Variants in AGBL1 observed in about 807,000 individuals in gnomAD.
AGBL1 encodes cytosolic carboxypeptidase 4.
AGBL1 carries 130 observed loss-of-function variants against 118.9 expected under a neutral mutation model. The observed-to-expected ratio is 1.09, with a 90% CI of 0.95 to 1.26. The LOEUF is 1.26. AGBL1 is among the 50% of genes most tolerant of loss of function. The probability of loss-of-function intolerance (pLI) is 0.00; values close to 1 mark genes in which losing one functional copy is unlikely to be tolerated. For synonymous variants in AGBL1, 555 were observed against 478.9 expected, an observed-to-expected ratio of 1.16 and a Z score of -2.08; for missense variants, 1,584 against 1,298.1, an observed-to-expected ratio of 1.22 and a Z score of -3.38.
intron 22 of AGBL1, among the ~76,000 whole-genome samples, chr15:86,735,067 T>G (rs1173822362): frequency 6.8e-6 from 1 of 146,428 alleles, no homozygotes; most frequent in East Asian, 2.0e-4. Flanking sequence ...TTTCTTGGCA[T>G]ATAGTTATAA....
At chr15:86,401,830 C>T (rs1006497040) in intron 18 of AGBL1, among the ~76,000 whole-genome samples, 4 of 152,080 alleles carry the variant, frequency 2.6e-5, no homozygotes, top group African/African-American at 9.7e-5. Context: ...ATGCTAGCAC[C>T]GTGCTGTTTT....
At chr15:86,924,323 T>C (rs1305486560) in intron 23 of AGBL1, among the ~76,000 whole-genome samples, 1 of 152,196 alleles carries the variant, frequency 6.6e-6, no homozygotes, top group Non-Finnish European at 1.5e-5. Context: ...TTTAATCCCA[T>C]TTAGGGTAGA....
chr15:86,173,030 T>G (rs1160023948), intron 5 of AGBL1, among the ~76,000 whole-genome samples: 1 of 152,192 alleles, frequency 6.6e-6, no homozygotes, highest in African/African-American at 2.4e-5. Context: ...TTTGTCTTTT[T>G]GATAACAGCC....
intron 5 of AGBL1, among the ~76,000 whole-genome samples, chr15:86,188,813 C>G (rs914474771): frequency 6.6e-6 from 1 of 152,068 alleles, no homozygotes; most frequent in Non-Finnish European, 1.5e-5. Context: ...CTGCAGTAAA[C>G]TATTTTCAAA....
rs570546997 is a variant in AGBL1, at chr15:86,150,520, C to G, written c.263-3910C>G. On this transcript the variant is annotated intron_variant, in intron 3 of 22. Coordinates refer to ENST00000614907, the MANE Select transcript of AGBL1 (RefSeq NM_001386094.1). Reference sequence around the variant, plus strand: ...CCTCTACACAAATAAACTAGAAAATCTAGAAGAAATGGATAAATTCCTGGG... The same window carrying G: ...CCTCTACACAAATAAACTAGAAAATGTAGAAGAAATGGATAAATTCCTGGG... 6.6e-5 allele frequency among the ~76,000 whole-genome samples: 10 copies of G among 152,234 alleles called. No individual in the cohort carries two copies. The South Asian group carries it at 2.1e-3, about 32-fold the overall frequency.
At chr15:86,109,990 C>A (rs953033072) in intron 1 of AGBL1, 1 of 152,072 alleles carries the variant, frequency 6.6e-6, no homozygotes, top group African/African-American at 2.4e-5. Context: ...CAAAGCCACC[C>A]GAACAGGAAT....
intron 1 of AGBL1, among the ~76,000 whole-genome samples, chr15:86,140,845 C>T (rs1385812967): frequency 1.3e-5 from 2 of 152,146 alleles, no homozygotes; most frequent in Non-Finnish European, 2.9e-5. Context: ...GTTGATGAAA[C>T]ATCTATTTCA....
At chr15:86,552,340 T>G (rs2346730) in intron 20 of AGBL1, among the ~76,000 whole-genome samples, 87,640 of 148,746 alleles carry the variant, frequency 0.59, 26,011 homozygotes, top group East Asian at 0.89. Context: ...AAGAGAGAGA[T>G]AGAACCTATG....
intron 1 of AGBL1, among the ~76,000 whole-genome samples, chr15:86,122,087 A>G (rs1898125658): frequency 6.6e-6 from 1 of 152,186 alleles, no homozygotes; most frequent in Non-Finnish European, 1.5e-5. Flanking sequence ...TCTCCCTCCA[A>G]GGAACTGTCT....
chr15:86,452,098 A>G (rs557220049), intron 18 of AGBL1, among the ~76,000 whole-genome samples: 230 of 152,274 alleles, frequency 1.5e-3, no homozygotes, highest in African/African-American at 5.4e-3. Context: ...CACATTATGT[A>G]GACTCATTAG....
intron 1 of AGBL1, among the ~76,000 whole-genome samples, chr15:86,118,343 A>G (rs558301557): frequency 1.3e-5 from 2 of 152,262 alleles, no homozygotes; most frequent in East Asian, 1.9e-4. Flanking sequence ...GAACAAAATT[A>G]ATTGTATTCA....
chr15:86,111,009 G>A (rs954035298), intron 1 of AGBL1, among the ~76,000 whole-genome samples: 9 of 152,210 alleles, frequency 5.9e-5, no homozygotes, highest in African/African-American at 1.9e-4. Context: ...TATTCTCCCA[G>A]AAGCAAGGCA....
At position 86,972,441 on chromosome 15, in the gene AGBL1, A is replaced by G. The variant is rs146961755; in HGVS notation, c.3222-15546A>G. ...TTCAGGCTTGGATGATAAATGGTCT[A>G]TTGCAGATAAAGATATGTATTTCAA... On this transcript the variant is annotated intron_variant, in intron 23 of 24. Coordinates refer to the AGBL1 transcript ENST00000441037. 1.7e-4 allele frequency among the ~76,000 whole-genome samples: 26 copies of G among 152,178 alleles called. 1 individual carries two copies. In the East Asian group the frequency reaches 3.1e-3, roughly 18 times the overall value.
chr15:86,413,333 A>C (rs2081647463), intron 18 of AGBL1, among the ~76,000 whole-genome samples: 1 of 152,220 alleles, frequency 6.6e-6, no homozygotes, highest in Admixed American at 6.6e-5. Context: ...ATTTATGTAA[A>C]CTATTATGCA....
chr15:86,868,400 C>T (rs2079667643), intron 22 of AGBL1, among the ~76,000 whole-genome samples: 1 of 152,142 alleles, frequency 6.6e-6, no homozygotes, highest in Non-Finnish European at 1.5e-5. Flanking sequence ...GTTTATATAG[C>T]AATTAGAAAA....
intron 21 of AGBL1, among the ~76,000 whole-genome samples, chr15:86,586,849 C>T (rs1486949593): frequency 6.6e-6 from 1 of 151,904 alleles, no homozygotes; most frequent in Non-Finnish European, 1.5e-5. Flanking sequence ...GAAAGGAATG[C>T]TTAAGTTAAG....
intron 22 of AGBL1, among the ~76,000 whole-genome samples, chr15:86,796,930 C>T (rs1351581705): frequency 1.3e-5 from 2 of 152,162 alleles, no homozygotes; most frequent in South Asian, 2.1e-4. Flanking sequence ...ATGAACTGTC[C>T]AGGGCTGAGG....
chr15:86,892,437 T>C (rs991490920), intron 22 of AGBL1, among the ~76,000 whole-genome samples: 1 of 152,176 alleles, frequency 6.6e-6, no homozygotes, highest in Non-Finnish European at 1.5e-5. Flanking sequence ...AGACCTTATC[T>C]ATAAATATTT....
chr15:86,406,776 A>G (rs552543990), intron 18 of AGBL1, among the ~76,000 whole-genome samples: 3 of 152,318 alleles, frequency 2.0e-5, no homozygotes, highest in Admixed American at 2.0e-4. Context: ...TAATTTATAA[A>G]CTAACCACAT....
Sources: gnomAD v4.1 joint callset for allele counts (sites outside exome capture counted in the v4.1 genomes callset) on GRCh38, gnomAD v4.1.1 for gene constraint, MANE v1.5 for transcripts, NCBI Gene and HGNC (gene_info 2026-07-23, HGNC 2026-07-21) for gene names.